Variants in TENT2 observed in about 807,000 individuals in gnomAD.
TENT2 encodes the protein poly(A) RNA polymerase GLD2.
In TENT2, 44 loss-of-function variants were observed where a neutral mutation model predicts 72.2. The observed-to-expected ratio is 0.61, with a 90% CI of 0.48 to 0.78. The LOEUF is 0.78. Among genes scored for constraint, TENT2 ranks in the 30% least tolerant of loss-of-function variants. The probability of loss-of-function intolerance (pLI) is 0.00; values close to 1 mark genes in which losing one functional copy is unlikely to be tolerated. For missense variants in TENT2, 541 were observed against 569.6 expected, an observed-to-expected ratio of 0.95 and a Z score of 0.51; for synonymous variants, 212 against 192.5, an observed-to-expected ratio of 1.10 and a Z score of -0.84.
At chr5:79,683,840 C>T (rs1301627931) in intron 14 of TENT2, among the ~76,000 whole-genome samples, 4 of 131,568 alleles carry the variant, frequency 3.0e-5, no homozygotes, top group Non-Finnish European at 6.2e-5. Flanking sequence ...AGGAGAATGG[C>T]GTGAACCCGG....
In TENT2 at chr5:79,687,726, A is replaced by G. The variant is rs1231146944; in HGVS notation, c.*2453A>G. 9.9e-5 allele frequency among the ~76,000 whole-genome samples: 15 copies of G among 152,174 alleles called. No individual in the cohort carries two copies. Among genetic ancestry groups the G allele is most frequent in the Middle Eastern group, 3.2e-3 (1 of 316 alleles). On this transcript the variant is annotated 3_prime_UTR_variant, in exon 15 of 15. Transcript: ENST00000453514. ...GTTACGGAGGGTTGACTGTATTTGC[A>G]TATGTTGTTAAAGTGGTGTTTAAAA...
rs550686837 is a variant in TENT2 at position 79,620,058 on chromosome 5, G to C, written c.202G>C (p.Ala68Pro). The C allele has an allele frequency of 6.2e-7, 1 of 1,609,788 alleles. No individual in the cohort carries two copies. The highest frequency in any genetic ancestry group is 2.2e-5 in the East Asian group (1 of 44,830). ...YGNVSPIQTSASPLFRGRKRL... is the reference protein window; with the variant it reads ...YGNVSPIQTSPSPLFRGRKRL... ...AAATGTCAGTCCAATACAGACCTCA[G>C]CTTCCCCATTATTTCGAGGAAGGAA... The change falls in exon 3 of 15, where the codon GCT becomes CCT. Residue 68 changes from alanine (A) to proline (P), a missense_variant. By Grantham distance (27) the Ala-to-Pro change is conservative. Coordinates refer to ENST00000453514, the MANE Select transcript of TENT2 (RefSeq NM_001114394.3).
intron 11 of TENT2, among the ~76,000 whole-genome samples, chr5:79,666,302 T>C (rs1237786458): frequency 2.6e-5 from 4 of 151,942 alleles, no homozygotes; most frequent in Non-Finnish European, 5.9e-5. Flanking sequence ...AAGAAATTAT[T>C]TGTTGAAATT....
At chr5:79,659,556 G>GTGTATATATATA (rs1168849605) in intron 11 of TENT2, among the ~76,000 whole-genome samples, 2 of 34,276 alleles carry the variant, frequency 5.8e-5, no homozygotes, top group Non-Finnish European at 9.4e-5. Flanking sequence ...AAAAAAAAAT[G>GTGTATATATATA]TATATATATA....
At chr5:79,679,483 A>G in intron 12 of TENT2, 96 bp from the exon 13 acceptor site, 1 of 705,326 alleles carries the variant, frequency 1.4e-6, no homozygotes, top group Non-Finnish European at 2.1e-6. Flanking sequence ...AGTGTTCCAC[A>G]AGAAAATTGG....
rs561932926 is a variant in TENT2, at chr5:79,631,754, AG to A, written c.465+8267del. ...TGGGGAAGATTCATAGAGAGGAAAGAGGTTGACCACTCTGGAAAGAAAAGAA... is the reference window on the plus strand; with the variant it reads ...TGGGGAAGATTCATAGAGAGGAAAGAGTTGACCACTCTGGAAAGAAAAGAA... On this transcript the variant is annotated intron_variant, in intron 4 of 14. Transcript: ENST00000453514. Among the ~76,000 whole-genome samples, 38 of 152,288 alleles carry A rather than the reference AG, an allele frequency of 2.5e-4. No individual in the cohort carries two copies. The South Asian group carries it at 7.7e-3, about 31-fold the overall frequency.
rs540093793 is a variant in TENT2 at position 79,685,645 on chromosome 5, A to G, written c.*372A>G. ...GAATTTTGGAAAGGGTCTAATTCAT[A>G]CATGCTTAAAGTATAACCTACGTTA... On this transcript the variant is annotated 3_prime_UTR_variant, in exon 15 of 15. Transcript: ENST00000453514. 3 of 168,212 alleles carry G rather than the reference A, an allele frequency of 1.8e-5. No individual in the cohort carries two copies. Among genetic ancestry groups the G allele is most frequent in the Non-Finnish European group, 3.8e-5 (3 of 78,926 alleles). 10.4% of individuals were successfully genotyped at this position (168,212 alleles called of 1,614,324 possible).
chr5:79,681,200 G>A (rs1303001421), intron 13 of TENT2, among the ~76,000 whole-genome samples: 3 of 103,186 alleles, frequency 2.9e-5, no homozygotes, highest in South Asian at 6.7e-4. Flanking sequence ...TCTCTCTTTC[G>A]CCAGGCTGGA....
At chr5:79,635,707 A>G (rs1354314243) in intron 4 of TENT2, among the ~76,000 whole-genome samples, 2 of 152,238 alleles carry the variant, frequency 1.3e-5, no homozygotes, top group South Asian at 2.1e-4. Flanking sequence ...GGTGCATGCC[A>G]CCACACCTGG....
At chr5:79,671,946 T>C (rs1247193000) in intron 12 of TENT2, among the ~76,000 whole-genome samples, 2 of 151,754 alleles carry the variant, frequency 1.3e-5, no homozygotes, top group Non-Finnish European at 2.9e-5. Context: ...CTACTAAAAA[T>C]ACAAAAATTA....
intron 4 of TENT2, among the ~76,000 whole-genome samples, chr5:79,633,120 T>A (rs1181573607): frequency 6.6e-6 from 1 of 152,180 alleles, no homozygotes; most frequent in African/African-American, 2.4e-5. Flanking sequence ...TTTAATTTGA[T>A]GGGAAAGGGA....
At chr5:79,674,697 T>C (rs1253967246) in intron 12 of TENT2, among the ~76,000 whole-genome samples, 2 of 152,216 alleles carry the variant, frequency 1.3e-5, no homozygotes. Flanking sequence ...ACTTGTTGAA[T>C]TGTTTTTAAA....
intron 12 of TENT2, among the ~76,000 whole-genome samples, chr5:79,673,862 GA>G (rs1424916987): frequency 6.6e-6 from 1 of 151,952 alleles, no homozygotes; most frequent in Non-Finnish European, 1.5e-5. Context: ...GAAACTCCTT[GA>G]AAAAAACCAA....
chr5:79,651,464 CA>C (rs11305023), intron 10 of TENT2, among the ~76,000 whole-genome samples: 30,818 of 151,448 alleles, frequency 0.2, 4,612 homozygotes, highest in African/African-American at 0.42. Context: ...AAACTGCTAC[CA>C]ATTACTACCA....
At chr5:79,640,735 A>G in intron 4 of TENT2, 116 bp from the exon 5 acceptor site, 1 of 572,746 alleles carries the variant, frequency 1.7e-6, no homozygotes, top group Non-Finnish European at 3.0e-6. Context: ...TATTAAGAAG[A>G]TAATACATAC....
intron 4 of TENT2, among the ~76,000 whole-genome samples, chr5:79,630,787 T>G (rs1774749941): frequency 6.6e-6 from 1 of 151,458 alleles, no homozygotes; most frequent in African/African-American, 2.4e-5. Flanking sequence ...ATTTTGATCT[T>G]TAGCCTAATA....
intron 6 of TENT2, among the ~76,000 whole-genome samples, chr5:79,642,356 C>T (rs890004777): frequency 1.1e-4 from 16 of 151,952 alleles, no homozygotes; most frequent in Admixed American, 6.6e-4. Flanking sequence ...AAAACTTTTT[C>T]GTGCTGCTAG....
In TENT2 at chr5:79,659,556, G is replaced by GTATATATATATATA. The variant is rs71855117; in HGVS notation, c.1071+2580_1071+2593dup. On this transcript the variant is annotated intron_variant, in intron 11 of 14. Transcript: ENST00000453514. ...CAAAAAAAAAAAAAAAAAAAAAAATGTATATATATATATATATATATATAT... is the reference window on the plus strand; with the variant it reads ...CAAAAAAAAAAAAAAAAAAAAAAATGTATATATATATATATATATATATATATATATATATATAT... 9.9e-4 allele frequency among the ~76,000 whole-genome samples: 34 copies of GTATATATATATATA among 34,260 alleles called. 1 individual carries two copies. The highest frequency in any genetic ancestry group is 4.4e-3 in the East Asian group (3 of 676). The allele number at this position is 34,260 out of a possible 152,430, so 22.5% of individuals were successfully genotyped here. A position where few individuals can be genotyped will look rare whatever the true frequency, so the allele number is the denominator to read the frequency against.
At position 79,657,012 on chromosome 5, in the gene TENT2, CTTATAAATTATTA is replaced by C; in HGVS notation, c.1071+13_1071+25del. The stretch of plus-strand genomic sequence containing the variant: ...CAAAAAATTTACCCAGTAAGTGTTT[CTTATAAATTATTA>C]TAATACATTTTATGTCAAGTGTATG... On this transcript the variant is annotated intron_variant, in intron 11 of 14. Coordinates refer to ENST00000453514, the MANE Select transcript of TENT2 (RefSeq NM_001114394.3). 1 of 1,541,214 alleles carries C rather than the reference CTTATAAATTATTA, an allele frequency of 6.5e-7. No homozygotes were observed. Among genetic ancestry groups the C allele is most frequent in the Non-Finnish European group, 9.0e-7 (1 of 1,116,466 alleles).
Sources: allele counts gnomAD v4.1 joint callset (sites outside exome capture counted in the v4.1 genomes callset), GRCh38; gene constraint gnomAD v4.1.1; transcripts MANE v1.5; gene names NCBI Gene and HGNC (gene_info 2026-07-23, HGNC 2026-07-21).